The following DMD variants were observed in gnomAD, a reference collection of about 807,000 sequenced individuals.
DMD encodes dystrophin.
Under a neutral mutation model 330.1 loss-of-function variants are expected in DMD, and 63 were observed. The ratio of observed to expected loss-of-function variants is 0.19; its 90% CI spans 0.16 to 0.24. The LOEUF (loss-of-function observed/expected upper bound fraction) is 0.24, where lower values mean the gene tolerates loss of function less well. Among genes scored for constraint, DMD ranks in the 10% least tolerant of loss-of-function variants. The pLI is 1.00. For synonymous variants in DMD, 1,223 were observed against 959.8 expected (o/e 1.27, Z -5.07); for missense variants, 3,344 against 2,684.1 (o/e 1.25, Z -5.43).
intron 16 of DMD, among the ~76,000 whole-genome samples, chrX:32,565,194 G>A: frequency 9.0e-6 from 1 of 111,419 alleles, no homozygotes; most frequent in Non-Finnish European, 1.9e-5. Flanking sequence ...TATGAAATCA[G>A]CAGTCTATGG....
At position 32,884,717 on chromosome X, in the gene DMD, T is replaced by C. The variant is rs139502651; in HGVS notation, c.94-34897A>G. 1.5e-3 allele frequency among the ~76,000 whole-genome samples: 164 copies of C among 111,694 alleles called. No individual in the cohort carries two copies. The East Asian group carries it at 0.038, about 26-fold the overall frequency. ...CATTTCATATACTCATTCCCCTTAGTCTATTACCATGAAATACACTAGGTT... is the reference window on the plus strand; with the variant it reads ...CATTTCATATACTCATTCCCCTTAGCCTATTACCATGAAATACACTAGGTT... On this transcript the variant is annotated intron_variant, in intron 2 of 78. Coordinates refer to ENST00000357033, the MANE Select transcript of DMD (RefSeq NM_004006.3).
chrX:32,174,840 A>G (rs2096900631), intron 44 of DMD, among the ~76,000 whole-genome samples: 1 of 111,629 alleles, frequency 9.0e-6, no homozygotes, highest in African/African-American at 3.3e-5. Flanking sequence ...GGTTACATGA[A>G]TAACTTGTGA....
chrX:31,698,032 A>C (rs998189199), intron 52 of DMD, among the ~76,000 whole-genome samples: 4 of 112,364 alleles, frequency 3.6e-5, no homozygotes, highest in African/African-American at 1.3e-4. Flanking sequence ...TACTAAAGCA[A>C]GGTGCTACTG....
intron 30 of DMD, among the ~76,000 whole-genome samples, chrX:32,406,435 C>T (rs1351188044): frequency 9.1e-6 from 1 of 110,410 alleles, no homozygotes; most frequent in East Asian, 2.8e-4. Context: ...CCATCAATAC[C>T]TAATTTATTG....
chrX:32,894,503 A>T (rs961372003), intron 2 of DMD, among the ~76,000 whole-genome samples: 10 of 112,592 alleles, frequency 8.9e-5, no homozygotes, highest in Non-Finnish European at 1.9e-4. Flanking sequence ...CATGCAGTTT[A>T]TATAGCATTT....
In DMD at chrX:32,618,872, A is replaced by C. The variant is rs7890028; in HGVS notation, c.1332-4419T>G. 6.7e-3 allele frequency among the ~76,000 whole-genome samples: 752 copies of C among 111,548 alleles called. 13 individuals carry two copies. The highest frequency in any genetic ancestry group is 0.023 in the African/African-American group (708 of 30,794). ...TTACACACTGTAAATGGGAATGGCA[A>C]TCAGTACAGGCATCATGGAAAACAG... On this transcript the variant is annotated intron_variant, in intron 11 of 78. Transcript: ENST00000357033.
chrX:31,940,467 C>A, intron 45 of DMD, among the ~76,000 whole-genome samples: 1 of 111,709 alleles, frequency 9.0e-6, no homozygotes, highest in East Asian at 2.8e-4. Flanking sequence ...ATAACCACCA[C>A]CACATATGTA....
At chrX:33,131,382 G>A in intron 1 of DMD, among the ~76,000 whole-genome samples, 1 of 111,824 alleles carries the variant, frequency 8.9e-6, no homozygotes, top group Middle Eastern at 4.6e-3. Context: ...CAATTCTAAT[G>A]AACAGCCAAG....
chrX:32,079,630 A>C (rs909726693), intron 44 of DMD, among the ~76,000 whole-genome samples: 5 of 111,251 alleles, frequency 4.5e-5, no homozygotes, highest in African/African-American at 1.6e-4. Flanking sequence ...AGAAAAAGAA[A>C]AAGAAAAAAA....
chrX:31,516,588 G>A (rs185804400), intron 55 of DMD, among the ~76,000 whole-genome samples: 1 of 112,057 alleles, frequency 8.9e-6, no homozygotes, highest in Non-Finnish European at 1.9e-5. Context: ...AGGTAGATAA[G>A]GAGTATGTTT....
intron 57 of DMD, among the ~76,000 whole-genome samples, chrX:31,489,319 A>G (rs1036549637): frequency 3.6e-5 from 4 of 111,489 alleles, no homozygotes; most frequent in Non-Finnish European, 5.7e-5. Context: ...TTTTGGTAGA[A>G]ACGTAGTTTC....
intron 48 of DMD, among the ~76,000 whole-genome samples, chrX:31,845,065 T>C (rs1053287606): frequency 1.1e-5 from 1 of 87,208 alleles, no homozygotes; most frequent in African/African-American, 5.2e-5. Context: ...TGTATATATA[T>C]GTATATGTGT....
chrX:31,898,928 G>C (rs1226361712), intron 47 of DMD, among the ~76,000 whole-genome samples: 1 of 111,975 alleles, frequency 8.9e-6, no homozygotes, highest in Non-Finnish European at 1.9e-5. Context: ...TTGCCATTTA[G>C]TTAATTAACT....
intron 50 of DMD, among the ~76,000 whole-genome samples, chrX:31,807,970 T>C (rs1239874951): frequency 9.0e-6 from 1 of 111,595 alleles, no homozygotes; most frequent in Non-Finnish European, 1.9e-5. Context: ...TTTCCTCTCA[T>C]GGTGAAAAAT....
At chrX:33,022,859 A>T (rs772762009) in intron 1 of DMD, among the ~76,000 whole-genome samples, 1 of 111,775 alleles carries the variant, frequency 8.9e-6, no homozygotes, top group South Asian at 3.7e-4. Flanking sequence ...ACGCAAATGC[A>T]AAACAACCAT....
chrX:33,115,260 T>G (rs925700483), intron 1 of DMD, among the ~76,000 whole-genome samples: 9 of 111,868 alleles, frequency 8.0e-5, no homozygotes, highest in African/African-American at 2.9e-4. Context: ...GGATATACAC[T>G]CCACATATAT....
intron 1 of DMD, among the ~76,000 whole-genome samples, chrX:33,169,826 A>C (rs1312438670): frequency 9.1e-6 from 1 of 109,685 alleles, no homozygotes; most frequent in Non-Finnish European, 1.9e-5. Context: ...CCTTTTTTTT[A>C]ATCGCTAGCC....
At chrX:31,250,683 G>A (rs191918276) in intron 63 of DMD, among the ~76,000 whole-genome samples, 5 of 111,538 alleles carry the variant, frequency 4.5e-5, no homozygotes, top group Admixed American at 1.9e-4. Context: ...GGGTACAGAC[G>A]AGGTCAAGTG....
In DMD at chrX:31,830,384, C is replaced by T. The variant is rs1013231662; in HGVS notation, c.7200+6334G>A. Among the ~76,000 whole-genome samples, 11 of 112,269 alleles carry T rather than the reference C, an allele frequency of 9.8e-5. No individual in the cohort carries two copies. In the East Asian group the frequency reaches 2.5e-3, roughly 26 times the overall value. On this transcript the variant is annotated intron_variant, in intron 49 of 78. Coordinates refer to ENST00000357033, the MANE Select transcript of DMD (RefSeq NM_004006.3). ...CCGAGGCAGCCTGATCACCTGAGGTCGGGAGTTCGAGACCAGCTTGACCAA... is the reference window on the plus strand; with the variant it reads ...CCGAGGCAGCCTGATCACCTGAGGTTGGGAGTTCGAGACCAGCTTGACCAA...
Sources: gnomAD v4.1 joint callset for allele counts (sites outside exome capture counted in the v4.1 genomes callset) on GRCh38, gnomAD v4.1.1 for gene constraint, MANE v1.5 for transcripts, NCBI Gene and HGNC (gene_info 2026-07-23, HGNC 2026-07-21) for gene names.